Variants in MICAL2 observed in about 807,000 individuals in gnomAD.
MICAL2 encodes [F-actin]-monooxygenase MICAL2.
Under a neutral mutation model 127.3 loss-of-function variants are expected in MICAL2, and 77 were observed. The ratio of observed to expected loss-of-function variants is 0.60; its 90% CI spans 0.50 to 0.73. The LOEUF is 0.73. Among genes scored for constraint, MICAL2 ranks in the 30% least tolerant of loss-of-function variants. MICAL2 has a pLI of 0.00. For synonymous variants in MICAL2, 570 were observed against 551.1 expected, an observed-to-expected ratio of 1.03 and a Z score of -0.48; for missense variants, 1,351 against 1,434.4, an observed-to-expected ratio of 0.94 and a Z score of 0.94.
intron 29 of MICAL2, among the ~76,000 whole-genome samples, chr11:12,302,335 C>G (rs1281830554): frequency 6.6e-6 from 1 of 152,162 alleles, no homozygotes; most frequent in African/African-American, 2.4e-5. Flanking sequence ...TAGATACTAT[C>G]AAACAGTTTT....
upstream of MICAL2, among the ~76,000 whole-genome samples, chr11:12,275,666 G>T (rs1863716323): frequency 6.6e-6 from 1 of 152,244 alleles, no homozygotes; most frequent in African/African-American, 2.4e-5. Context: ...TTAGCAACAT[G>T]TTGGATGTTG....
At chr11:12,194,154 T>G (rs556615770) in intron 3 of MICAL2, among the ~76,000 whole-genome samples, 4 of 152,320 alleles carry the variant, frequency 2.6e-5, no homozygotes, top group African/African-American at 9.6e-5. Flanking sequence ...CAGTCCTGCC[T>G]GGAGTTCTCT....
intron 32 of MICAL2, chr11:12,349,765 A>C (rs1362744244): frequency 1.3e-5 from 18 of 1,433,798 alleles, no homozygotes; most frequent in Non-Finnish European, 1.5e-5. Context: ...AACCTGCTAA[A>C]GTGGCTCAAA....
At chr11:12,158,675 C>T (rs1854455820) in intron 2 of MICAL2, among the ~76,000 whole-genome samples, 2 of 152,166 alleles carry the variant, frequency 1.3e-5, no homozygotes, top group South Asian at 2.1e-4. Flanking sequence ...TATATGCAAA[C>T]ATGGCATCAT....
intron 21 of MICAL2, among the ~76,000 whole-genome samples, chr11:12,247,623 G>A (rs1451990155): frequency 1.3e-5 from 2 of 152,186 alleles, no homozygotes; most frequent in Admixed American, 1.3e-4. Flanking sequence ...TCTTAGAAAG[G>A]ATATTGCCAG....
At chr11:12,129,806 C>A (rs1851267641) in intron 1 of MICAL2, among the ~76,000 whole-genome samples, 1 of 152,008 alleles carries the variant, frequency 6.6e-6, no homozygotes, top group African/African-American at 2.4e-5. Context: ...CTCCTGGGCC[C>A]AGATGATCCT....
intron 2 of MICAL2, among the ~76,000 whole-genome samples, chr11:12,143,282 C>A (rs200866798): frequency 6.6e-6 from 1 of 152,102 alleles, no homozygotes; most frequent in Non-Finnish European, 1.5e-5. Context: ...AGTGGGCATG[C>A]TTTTTTCTTA....
chr11:12,127,257 C>T (rs909270187), intron 1 of MICAL2, among the ~76,000 whole-genome samples: 1 of 152,214 alleles, frequency 6.6e-6, no homozygotes, highest in Admixed American at 6.5e-5. Flanking sequence ...GCCATTCTTT[C>T]ACCATTGCTC....
chr11:12,164,147 A>G (rs1356429102), intron 3 of MICAL2, among the ~76,000 whole-genome samples: 1 of 151,918 alleles, frequency 6.6e-6, no homozygotes, highest in African/African-American at 2.4e-5. Flanking sequence ...GCCAGCCTCT[A>G]TTTTACAAGC....
At chr11:12,282,249 T>G (rs1173053891) in intron 2 of MICAL2, among the ~76,000 whole-genome samples, 3 of 152,300 alleles carry the variant, frequency 2.0e-5, no homozygotes, top group African/African-American at 7.2e-5. Context: ...ATTTGTTAAG[T>G]ACCATTTGTG....
chr11:12,208,399 A>G (rs1854999376), intron 5 of MICAL2: 1 of 363,516 alleles, frequency 2.8e-6, no homozygotes, highest in Non-Finnish European at 5.1e-6. Context: ...TACTTTGGCA[A>G]AGGAAATCTA....
intron 4 of MICAL2, chr11:12,207,781 T>G: frequency 2.4e-6 from 1 of 424,200 alleles, no homozygotes; most frequent in Non-Finnish European, 4.2e-6. Context: ...GCAAGTCATT[T>G]AACTTTGTTA....
intron 2 of MICAL2, among the ~76,000 whole-genome samples, chr11:12,282,012 C>T (rs970954612): frequency 1.3e-5 from 2 of 152,166 alleles, no homozygotes; most frequent in Middle Eastern, 3.2e-3. Flanking sequence ...TGGAGCTCAA[C>T]TTGTCCTGCA....
At chr11:12,159,081 A>T (rs1015191820) in intron 2 of MICAL2, among the ~76,000 whole-genome samples, 1 of 152,152 alleles carries the variant, frequency 6.6e-6, no homozygotes, top group African/African-American at 2.4e-5. Flanking sequence ...TCTCCTGTCA[A>T]ACCATCTCCC....
chr11:12,221,577 G>A (rs1590427861), intron 9 of MICAL2, 67 bp from the exon 10 acceptor site: 9 of 1,143,500 alleles, frequency 7.9e-6, no homozygotes, highest in African/African-American at 6.1e-5. Flanking sequence ...GTGTGTGCTG[G>A]GTCCAATGAG....
rs116599562 is a variant in MICAL2, at chr11:12,230,485, A to G, written c.1995+3354A>G. ...CTATACAATAGCCCTCCCCACAAAC[A>G]CAGACAATATCTGTACATACAGGTG... On this transcript the variant is annotated intron_variant, in intron 15 of 27. Coordinates refer to ENST00000683283, the MANE Select transcript of MICAL2 (RefSeq NM_001282663.2). Among the ~76,000 whole-genome samples, 535 of 152,244 alleles carry G rather than the reference A, an allele frequency of 3.5e-3. 3 individuals are homozygous for G. Among genetic ancestry groups the G allele is most frequent in the African/African-American group, 0.012 (505 of 41,544 alleles).
intron 29 of MICAL2, among the ~76,000 whole-genome samples, chr11:12,316,229 T>C (rs780462074): frequency 6.0e-4 from 92 of 152,154 alleles, no homozygotes; most frequent in Non-Finnish European, 1.2e-3. Context: ...TGACAATATC[T>C]TCTTTTTAAT....
intron 4 of MICAL2, among the ~76,000 whole-genome samples, chr11:12,206,949 A>G (rs1854764323): frequency 6.6e-6 from 1 of 151,980 alleles, no homozygotes. Context: ...TCCTTGCCAT[A>G]AGGTATTTAT....
intron 7 of MICAL2, among the ~76,000 whole-genome samples, 173 bp downstream of exon 7, chr11:12,213,583 G>A (rs1475855772): frequency 6.6e-6 from 1 of 152,190 alleles, no homozygotes; most frequent in African/African-American, 2.4e-5. Context: ...TTCCTTCTGG[G>A]ACAAGAGAGA....
Sources: gnomAD v4.1 joint callset for allele counts (sites outside exome capture counted in the v4.1 genomes callset) on GRCh38, gnomAD v4.1.1 for gene constraint, MANE v1.5 for transcripts, NCBI Gene and HGNC (gene_info 2026-07-23, HGNC 2026-07-21) for gene names.